The following ELMO1 variants were observed in gnomAD, a reference collection of about 807,000 sequenced individuals.
ELMO1 encodes engulfment and cell motility protein 1.
In ELMO1, 26 loss-of-function variants were observed where a neutral mutation model predicts 98.9. The ratio of observed to expected loss-of-function variants is 0.26; its 90% CI spans 0.19 to 0.36. ELMO1 has a LOEUF of 0.36. ELMO1 is among the 10% of genes least tolerant of loss of function. ELMO1 has a pLI of 1.00. For synonymous variants in ELMO1, 346 were observed against 346.0 expected (o/e 1.00, Z 0.00); for missense variants, 627 against 935.2 (o/e 0.67, Z 4.30).
chr7:36,902,043 G>A (rs140862491), intron 16 of ELMO1, among the ~76,000 whole-genome samples: 106 of 152,320 alleles, frequency 7.0e-4, no homozygotes, highest in African/African-American at 2.5e-3. Flanking sequence ...ACCTCTCACT[G>A]TGGTTCCACC....
Position 36,870,560 on chromosome 7 carries a change from C to A in ELMO1, c.1823-85G>T. 1 of 1,302,300 alleles carries A rather than the reference C, an allele frequency of 7.7e-7. No homozygotes were observed. Among genetic ancestry groups the A allele is most frequent in the Non-Finnish European group, 1.1e-6 (1 of 931,466 alleles). The allele number at this position is 1,302,300 out of a possible 1,614,324, so 80.7% of individuals were successfully genotyped here. A position where few individuals can be genotyped will look rare whatever the true frequency, so the allele number is the denominator to read the frequency against. ...AAGAAACAGGACTAAGCACTGGGTCCGCTACTGTGGTTACCATTCCCAGAA... is the reference window on the plus strand; with the variant it reads ...AAGAAACAGGACTAAGCACTGGGTCAGCTACTGTGGTTACCATTCCCAGAA... On this transcript the variant is annotated intron_variant, in intron 19 of 21. Coordinates refer to ENST00000310758, the MANE Select transcript of ELMO1 (RefSeq NM_014800.11). The surrounding 1 kb of genome is among the most constrained non-coding windows in gnomAD (Gnocchi z 4.4).
chr7:37,385,078 C>T (rs1052713660), intron 1 of ELMO1, among the ~76,000 whole-genome samples: 11 of 152,332 alleles, frequency 7.2e-5, no homozygotes, highest in African/African-American at 2.6e-4. Context: ...TTACCTGCCA[C>T]ATATGCATAA....
chr7:37,259,678 G>C (rs1022110598), intron 5 of ELMO1, among the ~76,000 whole-genome samples: 1 of 152,222 alleles, frequency 6.6e-6, no homozygotes, highest in East Asian at 1.9e-4. Context: ...AGGGAGGAAA[G>C]GGGAAGTATT....
At chr7:36,880,340 T>A (rs964745172) in intron 18 of ELMO1, among the ~76,000 whole-genome samples, 1 of 152,160 alleles carries the variant, frequency 6.6e-6, no homozygotes, top group Non-Finnish European at 1.5e-5. Context: ...AGCCAATGTG[T>A]CACAATCAAA....
intron 11 of ELMO1, 111 bp from the exon 12 acceptor site, chr7:37,213,568 G>C: frequency 9.9e-7 from 1 of 1,005,262 alleles, no homozygotes; most frequent in South Asian, 1.8e-5. Context: ...ATAAGGAATG[G>C]AGAAGGAAGG....
chr7:37,273,022 CGTCT>C (rs1343464077), intron 4 of ELMO1, among the ~76,000 whole-genome samples: 3 of 152,178 alleles, frequency 2.0e-5, no homozygotes, highest in African/African-American at 7.2e-5. Context: ...ATCATTGTGA[CGTCT>C]GTCTCAGTAA....
intron 7 of ELMO1, among the ~76,000 whole-genome samples, chr7:37,239,554 G>A (rs1794651951): frequency 6.6e-6 from 1 of 152,210 alleles, no homozygotes; most frequent in South Asian, 2.1e-4. Context: ...CCTCTGTGAA[G>A]CAGATGCTGA....
intron 1 of ELMO1, among the ~76,000 whole-genome samples, chr7:37,367,480 G>A (rs1052319169): frequency 5.3e-5 from 8 of 152,236 alleles, no homozygotes; most frequent in Non-Finnish European, 1.2e-4. Flanking sequence ...AATGAAGGAA[G>A]AAAAGGATCA....
At chr7:37,010,356 A>G (rs1793459348) in intron 16 of ELMO1, among the ~76,000 whole-genome samples, 1 of 152,246 alleles carries the variant, frequency 6.6e-6, no homozygotes, top group Admixed American at 6.5e-5. Flanking sequence ...AGAATACGTT[A>G]CCTTCTGCAG....
intron 5 of ELMO1, among the ~76,000 whole-genome samples, chr7:37,268,324 C>T (rs1171407877): frequency 6.6e-6 from 1 of 152,154 alleles, no homozygotes; most frequent in Non-Finnish European, 1.5e-5. Context: ...TTTTGTGAGA[C>T]AGGCTCTCGC....
At chr7:36,905,528 T>A (rs1431425379) in intron 16 of ELMO1, among the ~76,000 whole-genome samples, 2 of 152,358 alleles carry the variant, frequency 1.3e-5, no homozygotes, top group African/African-American at 4.8e-5. Flanking sequence ...TAGGAATGGT[T>A]AGCAAATCCT....
intron 15 of ELMO1, among the ~76,000 whole-genome samples, chr7:37,041,028 C>T (rs1336423994): frequency 1.3e-5 from 2 of 151,894 alleles, no homozygotes; most frequent in Non-Finnish European, 2.9e-5. Context: ...TGCGGTGAGC[C>T]GAGATCATGC....
rs866311313 is a variant in ELMO1 at position 37,155,420 on chromosome 7, T to C, written c.1087-22186A>G. ...GTATGCTGTATTCAGGAGACCCATC[T>C]CATGTGCAAAGACAAAGACACATAT... On this transcript the variant is annotated intron_variant, in intron 13 of 21. Transcript: ENST00000310758. 9.1e-5 allele frequency among the ~76,000 whole-genome samples: 13 copies of C among 142,446 alleles called. No individual in the cohort carries two copies. The Middle Eastern group carries it at 0.012, about 128-fold the overall frequency. The allele number at this position is 142,446 out of a possible 152,430, so 93.5% of individuals were successfully genotyped here. A position where few individuals can be genotyped will look rare whatever the true frequency, so the allele number is the denominator to read the frequency against.
intron 1 of ELMO1, among the ~76,000 whole-genome samples, chr7:37,446,295 C>T (rs1419441123): frequency 1.3e-5 from 2 of 152,220 alleles, no homozygotes; most frequent in African/African-American, 4.8e-5. Context: ...CATGGAACTT[C>T]TGCTCTAACA....
chr7:37,344,907 CAT>C (rs112267349), intron 1 of ELMO1, among the ~76,000 whole-genome samples: 9 of 152,312 alleles, frequency 5.9e-5, no homozygotes, highest in African/African-American at 2.2e-4. Context: ...AGATCTTAAA[CAT>C]GTGCATTTGG....
At chr7:37,137,797 A>AAAGTGC in intron 13 of ELMO1, among the ~76,000 whole-genome samples, 1 of 152,290 alleles carries the variant, frequency 6.6e-6, no homozygotes, top group South Asian at 2.1e-4. Context: ...TCGGCCTTCC[A>AAAGTGC]AAGTGCTGGG....
chr7:37,358,165 G>A lies in ELMO1; in HGVS notation c.-73-15402C>T, dbSNP rs1441823076. On this transcript the variant is annotated intron_variant, in intron 1 of 21. Coordinates refer to ENST00000310758, the MANE Select transcript of ELMO1 (RefSeq NM_014800.11). ...AAATTACCAGATTAAAAGCTGGTAA[G>A]AGGAAAATAGAGAAACTTCCAACCC... Among the ~76,000 whole-genome samples, 3 of 152,154 alleles carry A rather than the reference G, an allele frequency of 2.0e-5. No individual in the cohort carries two copies. The East Asian group carries it at 5.8e-4, about 29-fold the overall frequency.
chr7:37,130,725 A>T (rs753609719), intron 14 of ELMO1, among the ~76,000 whole-genome samples: 30 of 151,294 alleles, frequency 2.0e-4, no homozygotes, highest in Admixed American at 6.6e-4. Flanking sequence ...GACAAGGGCA[A>T]CGAGGGAATA....
intron 15 of ELMO1, among the ~76,000 whole-genome samples, chr7:37,092,822 C>T (rs1344380372): frequency 6.6e-6 from 1 of 152,092 alleles, no homozygotes; most frequent in East Asian, 1.9e-4. Flanking sequence ...GGCATACAGC[C>T]AGTGACTGAG....
Sources: allele counts gnomAD v4.1 joint callset (sites outside exome capture counted in the v4.1 genomes callset), GRCh38; gene constraint gnomAD v4.1.1; non-coding constraint Gnocchi (gnomAD v3.1); transcripts MANE v1.5; gene names NCBI Gene and HGNC (gene_info 2026-07-23, HGNC 2026-07-21).